The following MAST4 variants were observed in gnomAD, a reference collection of about 807,000 sequenced individuals.
MAST4 encodes the protein microtubule associated serine/threonine kinase family member 4.
Under a neutral mutation model 162.7 loss-of-function variants are expected in MAST4, and 89 were observed. The ratio of observed to expected loss-of-function variants is 0.55; its 90% CI spans 0.46 to 0.65. MAST4 has a LOEUF of 0.65. MAST4 is among the 30% of genes least tolerant of loss of function. The pLI, the probability that MAST4 is intolerant of heterozygous loss-of-function variation, is 0.00. For synonymous variants in MAST4, 1,479 were observed against 1,361.1 expected (o/e 1.09, Z -1.91); for missense variants, 3,153 against 3,374.0 (o/e 0.93, Z 1.62).
At chr5:66,800,893 G>A (rs1466791550) in intron 3 of MAST4, among the ~76,000 whole-genome samples, 1 of 152,142 alleles carries the variant, frequency 6.6e-6, no homozygotes, top group East Asian at 1.9e-4. Flanking sequence ...TTGAACAGAT[G>A]TCTTGCTTTC....
chr5:67,076,085 C>G (rs1761611654), intron 5 of MAST4, among the ~76,000 whole-genome samples: 1 of 152,096 alleles, frequency 6.6e-6, no homozygotes, highest in Non-Finnish European at 1.5e-5. Context: ...ATCCAATGAC[C>G]TCTTTCTGGG....
intron 4 of MAST4, among the ~76,000 whole-genome samples, chr5:66,955,032 T>G (rs900780104): frequency 6.6e-6 from 1 of 151,858 alleles, no homozygotes; most frequent in Admixed American, 6.6e-5. Context: ...GAAACCCATC[T>G]CTACAAAAAA....
intron 1 of MAST4, among the ~76,000 whole-genome samples, chr5:66,758,112 T>C (rs934736418): frequency 2.0e-5 from 3 of 151,990 alleles, no homozygotes; most frequent in South Asian, 2.1e-4. Context: ...TTCCTACTGA[T>C]CTGGCTTTGA....
chr5:66,752,568 AG>A (rs1451398612), intron 1 of MAST4, among the ~76,000 whole-genome samples: 1 of 145,200 alleles, frequency 6.9e-6, no homozygotes, highest in East Asian at 2.0e-4. Context: ...ATAATGGTAA[AG>A]GGATCAATTC....
chr5:66,617,896 CT>C (rs1180741558), intron 1 of MAST4, among the ~76,000 whole-genome samples: 3 of 152,166 alleles, frequency 2.0e-5, no homozygotes, highest in Non-Finnish European at 4.4e-5. Context: ...GAATATTTAG[CT>C]TGTGTTCCTG....
At position 67,153,478 on chromosome 5, in the gene MAST4, G is replaced by A. The variant is rs201940771; in HGVS notation, c.3546G>A (p.Pro1182=). 1.8e-5 allele frequency: 29 copies of A among 1,603,614 alleles called. No homozygotes were observed. In the African/African-American group the frequency reaches 2.3e-4, roughly 13 times the overall value. The change falls in exon 26 of 29, where the codon CCG becomes CCA. Residue 1182 remains proline (P), a synonymous_variant. Coordinates refer to ENST00000403625, the MANE Select transcript of MAST4 (RefSeq NM_001164664.2). ...TTTAGAATGTAGAAGAAGGAAGTCC[G>A]GCATGCCAGGCAGGACTGAAGGCTG... ...HIVWNVEEGS[P]ACQAGLKAGD... is the part of the protein sequence containing the mutation.
chr5:67,050,242 G>A (rs1048739996), intron 4 of MAST4, among the ~76,000 whole-genome samples: 16 of 152,176 alleles, frequency 1.1e-4, no homozygotes, highest in African/African-American at 3.6e-4. Context: ...CTGTTTTCGC[G>A]ATGGTAATAG....
chr5:66,952,411 A>C (rs1031397153), intron 4 of MAST4, among the ~76,000 whole-genome samples: 1 of 152,162 alleles, frequency 6.6e-6, no homozygotes, highest in African/African-American at 2.4e-5. Flanking sequence ...AGAAGCCATT[A>C]GCCAGCTTCT....
intron 1 of MAST4, among the ~76,000 whole-genome samples, chr5:66,621,480 A>G (rs1442490227): frequency 6.6e-6 from 1 of 152,220 alleles, no homozygotes; most frequent in Admixed American, 6.5e-5. Context: ...AGAGAAGCAC[A>G]CTATTTTGAC....
intron 4 of MAST4, among the ~76,000 whole-genome samples, chr5:66,925,706 A>G (rs1249685826): frequency 6.6e-6 from 1 of 152,160 alleles, no homozygotes; most frequent in African/African-American, 2.4e-5. Context: ...GGTTCCCTGC[A>G]CTGTGCCTAG....
intron 4 of MAST4, among the ~76,000 whole-genome samples, chr5:67,042,223 C>CT (rs1377566125): frequency 6.6e-6 from 1 of 152,140 alleles, no homozygotes; most frequent in Non-Finnish European, 1.5e-5. Flanking sequence ...CTGTTTGCCA[C>CT]TAATTGGTGG....
chr5:66,814,328 C>A (rs1033622617), intron 3 of MAST4, among the ~76,000 whole-genome samples: 3 of 152,108 alleles, frequency 2.0e-5, no homozygotes, highest in Non-Finnish European at 2.9e-5. Context: ...GGGAGGTGAT[C>A]ACTTTCATTA....
intron 1 of MAST4, among the ~76,000 whole-genome samples, chr5:66,603,535 A>C (rs540787726): frequency 3.9e-5 from 6 of 152,304 alleles, no homozygotes; most frequent in African/African-American, 1.4e-4. Flanking sequence ...TGGTTCATAT[A>C]AGCATGAAAG....
chr5:66,606,602 A>T (rs1742899686), intron 1 of MAST4, among the ~76,000 whole-genome samples: 1 of 152,158 alleles, frequency 6.6e-6, no homozygotes, highest in South Asian at 2.1e-4. Context: ...GGTTTTGCAT[A>T]TATGTTGTTA....
chr5:66,850,711 G>T (rs1049005682), intron 3 of MAST4, among the ~76,000 whole-genome samples: 12 of 152,086 alleles, frequency 7.9e-5, no homozygotes, highest in Admixed American at 4.6e-4. Flanking sequence ...CTCATTATAT[G>T]CAAATATTCC....
chr5:67,095,688 CTT>C lies in MAST4; in HGVS notation c.912+27_912+28del, dbSNP rs751787327. The C allele has an allele frequency of 5.6e-3, 7,081 of 1,272,986 alleles. No homozygotes were observed. The highest frequency in any genetic ancestry group is 0.013 in the South Asian group (790 of 59,338). 78.9% of individuals were successfully genotyped at this position (1,272,986 alleles called of 1,614,324 possible). ...CTCTACGGTCTCTGTAAGTGCCTGA[CTT>C]TTTTTTTTTTTTTCTCTTCCTCACA... is the stretch of plus-strand genomic sequence containing the variant. On this transcript the variant is annotated intron_variant, in intron 7 of 28. Coordinates refer to ENST00000403625, the MANE Select transcript of MAST4 (RefSeq NM_001164664.2).
chr5:67,064,275 A>G (rs1239065833), intron 5 of MAST4, among the ~76,000 whole-genome samples: 1 of 152,168 alleles, frequency 6.6e-6, no homozygotes, highest in Non-Finnish European at 1.5e-5. Flanking sequence ...GGGAAGGTGG[A>G]GAATGCAGTG....
intron 1 of MAST4, among the ~76,000 whole-genome samples, chr5:66,733,233 C>G (rs1242319442): frequency 6.6e-6 from 1 of 152,060 alleles, no homozygotes; most frequent in African/African-American, 2.4e-5. Context: ...CTCCCTGTCT[C>G]CTCCCTCCAA....
intron 2 of MAST4, among the ~76,000 whole-genome samples, chr5:66,786,250 A>G (rs1755114024): frequency 6.6e-6 from 1 of 151,720 alleles, no homozygotes; most frequent in Non-Finnish European, 1.5e-5. Context: ...AATTTTTTCT[A>G]TTTTACATTA....
Sources: allele counts gnomAD v4.1 joint callset (sites outside exome capture counted in the v4.1 genomes callset), GRCh38; gene constraint gnomAD v4.1.1; transcripts MANE v1.5; gene names NCBI Gene and HGNC (gene_info 2026-07-23, HGNC 2026-07-21).